Variants in NEGR1 observed in about 807,000 individuals in gnomAD.
NEGR1 encodes the protein neuronal growth regulator 1.
A neutral mutation model predicts 40.9 loss-of-function variants in NEGR1; 10 were observed. The observed-to-expected ratio is 0.24, with a 90% CI of 0.15 to 0.42. NEGR1 has a LOEUF of 0.42. Ranked by LOEUF, NEGR1 falls within the 10% of genes least tolerant of loss-of-function variation. The pLI is 1.00. For missense variants in NEGR1, 352 were observed against 438.9 expected (o/e 0.80, Z 1.77); for synonymous variants, 185 against 166.8 (o/e 1.11, Z -0.84).
At chr1:72,265,577 C>T (rs745575860) in intron 1 of NEGR1, among the ~76,000 whole-genome samples, 1 of 150,736 alleles carries the variant, frequency 6.6e-6, no homozygotes, top group African/African-American at 2.4e-5. Flanking sequence ...GAATTCCCCA[C>T]TAAATGGTAA....
chr1:72,174,313 A>G (rs1428022882), intron 1 of NEGR1, among the ~76,000 whole-genome samples: 1 of 152,158 alleles, frequency 6.6e-6, no homozygotes, highest in African/African-American at 2.4e-5. Flanking sequence ...ATTTGCTACA[A>G]TGAATGAACC....
chr1:71,687,161 T>C (rs1248753750), intron 4 of NEGR1, among the ~76,000 whole-genome samples: 4 of 152,220 alleles, frequency 2.6e-5, no homozygotes, highest in African/African-American at 7.2e-5. Flanking sequence ...ATATGTTTTA[T>C]CTAAATTGCT....
intron 4 of NEGR1, among the ~76,000 whole-genome samples, chr1:71,676,194 G>A (rs904838090): frequency 1.3e-5 from 2 of 151,966 alleles, no homozygotes; most frequent in Non-Finnish European, 2.9e-5. Flanking sequence ...GACACTTTTT[G>A]TGTGTGTGTG....
intron 1 of NEGR1, among the ~76,000 whole-genome samples, chr1:72,052,222 A>G (rs1319556886): frequency 1.3e-5 from 2 of 151,466 alleles, no homozygotes; most frequent in Admixed American, 1.3e-4. Context: ...TGATAGTGAC[A>G]AAGCCTTGTC....
intron 3 of NEGR1, among the ~76,000 whole-genome samples, chr1:71,711,068 A>G: frequency 6.6e-6 from 1 of 152,074 alleles, no homozygotes; most frequent in Non-Finnish European, 1.5e-5. Context: ...ATATTTGAAC[A>G]AATACTTTAT....
chr1:71,466,285 C>T (rs1646745398), intron 6 of NEGR1, among the ~76,000 whole-genome samples: 1 of 151,988 alleles, frequency 6.6e-6, no homozygotes. Flanking sequence ...TAATCAATAT[C>T]CAGGACTTGA....
intron 3 of NEGR1, among the ~76,000 whole-genome samples, chr1:71,765,785 C>T (rs1445139796): frequency 6.6e-6 from 1 of 152,120 alleles, no homozygotes. Context: ...CTGATTCTAT[C>T]CCTATGCCTT....
chr1:71,994,685 T>C (rs1351721367), intron 1 of NEGR1, among the ~76,000 whole-genome samples: 1 of 152,152 alleles, frequency 6.6e-6, no homozygotes, highest in Non-Finnish European at 1.5e-5. Flanking sequence ...TGGTTTTGTC[T>C]ATACCTCTTG....
intron 2 of NEGR1, among the ~76,000 whole-genome samples, chr1:71,883,201 A>G (rs1026385421): frequency 1.3e-5 from 2 of 152,126 alleles, no homozygotes; most frequent in Admixed American, 1.3e-4. Context: ...ATTATAAAAT[A>G]TATTTCCTCT....
At chr1:71,590,969 GA>G in intron 6 of NEGR1, among the ~76,000 whole-genome samples, 1 of 152,226 alleles carries the variant, frequency 6.6e-6, no homozygotes, top group South Asian at 2.1e-4. Context: ...ATCAGACATA[GA>G]TCCTGTCTTT....
chr1:71,452,909 T>C (rs1326244615), intron 6 of NEGR1, among the ~76,000 whole-genome samples: 2 of 152,142 alleles, frequency 1.3e-5, no homozygotes, highest in Non-Finnish European at 2.9e-5. Context: ...CAGATTTATT[T>C]CAGTAGCATA....
At chr1:71,414,948 G>A (rs1445236045) in intron 6 of NEGR1, among the ~76,000 whole-genome samples, 3 of 152,078 alleles carry the variant, frequency 2.0e-5, no homozygotes, top group African/African-American at 7.2e-5. Flanking sequence ...AACTCCTCTT[G>A]CATTTAGGGA....
chr1:71,862,544 T>C (rs76611447), intron 2 of NEGR1, among the ~76,000 whole-genome samples: 3,134 of 152,228 alleles, frequency 0.021, 69 homozygotes, highest in South Asian at 0.1. Flanking sequence ...TGCATTTGTA[T>C]TAAGGAGTTG....
At chr1:71,720,835 A>G (rs1654485044) in intron 3 of NEGR1, among the ~76,000 whole-genome samples, 1 of 152,198 alleles carries the variant, frequency 6.6e-6, no homozygotes, top group Admixed American at 6.5e-5. Flanking sequence ...CCTAAATGTG[A>G]GCATTATTTA....
At chr1:71,909,026 ATGCAACTCCC>A (rs1661355046) in intron 2 of NEGR1, among the ~76,000 whole-genome samples, 1 of 152,178 alleles carries the variant, frequency 6.6e-6, no homozygotes, top group African/African-American at 2.4e-5. Context: ...GTTTTTAAAC[ATGCAACTCCC>A]AATAGTATTA....
At chr1:71,865,634 G>A (rs1366631866) in intron 2 of NEGR1, among the ~76,000 whole-genome samples, 1 of 152,076 alleles carries the variant, frequency 6.6e-6, no homozygotes, top group African/African-American at 2.4e-5. Context: ...ATAGCATTAG[G>A]AGAAATACTT....
chr1:71,789,779 A>G (rs989924023), intron 2 of NEGR1, among the ~76,000 whole-genome samples: 2 of 152,150 alleles, frequency 1.3e-5, no homozygotes, highest in African/African-American at 4.8e-5. Flanking sequence ...TCTTGTTTTG[A>G]ACACTCCAGT....
chr1:71,511,397 T>C (rs1647072374), intron 6 of NEGR1, among the ~76,000 whole-genome samples: 1 of 152,360 alleles, frequency 6.6e-6, no homozygotes, highest in African/African-American at 2.4e-5. Context: ...AGAACCATTT[T>C]CTTTCAAAAT....
At chr1:71,604,219 C>T (rs1213012720) in intron 5 of NEGR1, among the ~76,000 whole-genome samples, 1 of 152,080 alleles carries the variant, frequency 6.6e-6, no homozygotes, top group African/African-American at 2.4e-5. Flanking sequence ...TAAGAATTGA[C>T]TCTATGTAAG....
Sources: allele counts gnomAD v4.1 joint callset (sites outside exome capture counted in the v4.1 genomes callset), GRCh38; gene constraint gnomAD v4.1.1; transcripts MANE v1.5; gene names NCBI Gene and HGNC (gene_info 2026-07-23, HGNC 2026-07-21).